PORCN: variants seen among roughly 807,000 people sequenced by gnomAD.
The protein encoded by PORCN is porcupine O-acyltransferase, also known as protein-serine O-palmitoleoyltransferase porcupine.
In PORCN, 1 loss-of-function variant was observed where a neutral mutation model predicts 43.0. The observed-to-expected ratio is 0.02, with a 90% confidence interval of 0.01 to 0.11. PORCN has a LOEUF of 0.11. Ranked by LOEUF, PORCN falls within the 10% of genes least tolerant of loss-of-function variation. The probability of loss-of-function intolerance (pLI) is 1.00; values close to 1 mark genes in which losing one functional copy is unlikely to be tolerated. For missense variants in PORCN, 240 were observed against 392.1 expected (o/e 0.61, Z 3.28); for synonymous variants, 148 against 166.4 (o/e 0.89, Z 0.85).
chrX:48,518,862 T>C (rs1370962191), intron 14 of PORCN, among the ~76,000 whole-genome samples: 1 of 109,810 alleles, frequency 9.1e-6, no homozygotes, highest in Non-Finnish European at 1.9e-5. Flanking sequence ...TTACCCAGGC[T>C]AAAGTGCAGT....
chrX:48,516,315 A>ATCC (rs2061717163), intron 13 of PORCN, 169 bp downstream of exon 13: 1 of 507,538 alleles, frequency 2.0e-6, no homozygotes, highest in Non-Finnish European at 3.5e-6. Context: ...ACAGGCATTT[A>ATCC]TCGAGCATCT....
chrX:48,513,077 G>A (rs782034598), intron 7 of PORCN, among the ~76,000 whole-genome samples: 3 of 112,424 alleles, frequency 2.7e-5, no homozygotes, highest in Admixed American at 9.4e-5. Flanking sequence ...CAGCTGTCTC[G>A]CTGTTAGAAG....
intron 14 of PORCN, among the ~76,000 whole-genome samples, chrX:48,518,984 G>A (rs2061739383): frequency 1.8e-5 from 2 of 110,949 alleles, no homozygotes; most frequent in African/African-American, 3.3e-5. Flanking sequence ...CTGGCTTTTT[G>A]CTTCTTTTTA....
rs782200118 is a variant in PORCN, at chrX:48,515,734, C to T, written c.964C>T (p.Leu322Phe). 1 of 1,209,872 alleles carries T rather than the reference C, an allele frequency of 8.3e-7. No homozygotes were observed. The highest frequency in any genetic ancestry group is 1.1e-6 in the Non-Finnish European group (1 of 894,302). ...CCCTCCAGATGTTTTCAAGAATGCT[C>T]TCCGCCTGGGGACCTTCTCGGCTGT... ...WLNNYVFKNALRLGTFSAVLV... is the reference protein window; with the variant it reads ...WLNNYVFKNAFRLGTFSAVLV... Residue 322 changes from leucine (L) to phenylalanine (F), a missense_variant, in exon 11 of 15, where the codon CTC (leucine) becomes TTC (phenylalanine). Leu to Phe is a conservative substitution (Grantham distance 22). Coordinates refer to ENST00000326194, the MANE Select transcript of PORCN (RefSeq NM_203475.3).
At chrX:48,520,345 G>A in intron 14 of PORCN, 30 bp from the exon 15 acceptor site, 1 of 1,112,048 alleles carries the variant, frequency 9.0e-7, no homozygotes, top group Non-Finnish European at 1.2e-6. Flanking sequence ...TCCTTGCTAA[G>A]TGGGACCATC....
rs1221141630 is a variant in PORCN, at chrX:48,516,158, G to A, written c.1173+12G>A. 1 of 1,200,097 alleles carries A rather than the reference G, an allele frequency of 8.3e-7. No homozygotes were observed. Among genetic ancestry groups the A allele is most frequent in the African/African-American group, 1.8e-5 (1 of 56,907 alleles). On this transcript the variant is annotated intron_variant, in intron 13 of 14. Transcript: ENST00000326194. ...ACCAGCATCGCTTGGTGAGGGTTCA[G>A]CCTGGGCAACCTTGTGCCCAACACT...
In PORCN at chrX:48,512,314, C is replaced by T; in HGVS notation, c.374-12C>T. ...CTCTGCCCATCCACTTGACCATGGGCACCACACATAGGGGCACAGATGATT... is the reference window on the plus strand; with the variant it reads ...CTCTGCCCATCCACTTGACCATGGGTACCACACATAGGGGCACAGATGATT... On this transcript the variant is annotated splice_polypyrimidine_tract_variant and intron_variant, in intron 4 of 14. Transcript: ENST00000326194. 10 of 1,210,971 alleles carry T rather than the reference C, an allele frequency of 8.3e-6. No homozygotes were observed. The highest frequency in any genetic ancestry group is 5.3e-5 in the South Asian group (3 of 56,908).
intron 2 of PORCN, among the ~76,000 whole-genome samples, chrX:48,511,057 C>T (rs1324839571): frequency 1.8e-5 from 2 of 112,100 alleles, no homozygotes; most frequent in Non-Finnish European, 3.8e-5. Context: ...CCCTGCCACC[C>T]TCTCCAGCTC....
At chrX:48,516,179 A>G in intron 13 of PORCN, 33 bp downstream of exon 13, 1 of 1,150,262 alleles carries the variant, frequency 8.7e-7, no homozygotes, top group Non-Finnish European at 1.2e-6. Flanking sequence ...CTTGTGCCCA[A>G]CACTCCCTGT....
rs1556974102 is a variant in PORCN at position 48,512,369 on chromosome X, C to T, written c.417C>T (p.Phe139=). 3.3e-6 allele frequency: 4 copies of T among 1,211,863 alleles called. No individual in the cohort carries two copies. The highest frequency in any genetic ancestry group is 3.0e-5 in the East Asian group (1 of 33,836). The change falls in exon 5 of 15, where the codon TTC becomes TTT. Residue 139 remains phenylalanine, a synonymous_variant. Transcript: ENST00000326194. ...CCATGAAGGCAGTGTCTCTGGGCTT[C>T]GACCTGGACCGGGGCGAGGTGGGTA... ...IVAMKAVSLG[F]DLDRGEVGTV...
rs782143088 is a variant in PORCN at position 48,516,015 on chromosome X, T to G, written c.1088-46T>G. 4 of 1,195,626 alleles carry G rather than the reference T, an allele frequency of 3.3e-6. No homozygotes were observed. In the African/African-American group the frequency reaches 7.1e-5, roughly 21 times the overall value. On this transcript the variant is annotated intron_variant, in intron 12 of 14. Transcript: ENST00000326194. ...GTTGGTGGGGGGGCTGGAGACAGCC[T>G]CCCCTGAGGCTAACCTGACCCCCTT...
At chrX:48,509,454 C>T (rs1556973341) in intron 1 of PORCN, 3 of 905,881 alleles carry the variant, frequency 3.3e-6, no homozygotes, top group Admixed American at 3.2e-5. Context: ...CAGGGATTCC[C>T]CTTCCCGTCG....
rs782759636 is a variant in PORCN, at chrX:48,511,226, C to G, written c.137-69C>G. ...TCTCTCTCCCTCCCTCCCTCCCTTC[C>G]TCCCACTCCCTCTCTTTCTCTCTCT... is the stretch of plus-strand genomic sequence containing the variant. On this transcript the variant is annotated intron_variant, in intron 2 of 14. Transcript: ENST00000326194. 5.2e-5 allele frequency: 36 copies of G among 688,854 alleles called. 1 individual carries two copies. The South Asian group carries it at 7.6e-4, about 15-fold the overall frequency. 56.8% of individuals were successfully genotyped at this position (688,854 alleles called of 1,213,427 possible). A position where few individuals can be genotyped will look rare whatever the true frequency, so the allele number is the denominator to read the frequency against.
At chrX:48,514,671 C>T (rs781882353) in intron 10 of PORCN, 46 bp downstream of exon 10, 2 of 1,016,756 alleles carry the variant, frequency 2.0e-6, no homozygotes, top group Non-Finnish European at 1.4e-6. Context: ...AATCCAGGCC[C>T]TTTCATACAT....
chrX:48,514,486 G>A lies in PORCN; in HGVS notation c.846-39G>A, dbSNP rs191210929. 4.7e-4 allele frequency: 564 copies of A among 1,190,883 alleles called. 2 individuals carry two copies. The African/African-American group carries it at 8.4e-3, about 18-fold the overall frequency. On this transcript the variant is annotated intron_variant, in intron 9 of 14. Transcript: ENST00000326194. ...CAGAAGTGTGGCGGTCAGATGAGTTGAGATCCCAAATGGATTTGCATATCT... is the reference window on the plus strand; with the variant it reads ...CAGAAGTGTGGCGGTCAGATGAGTTAAGATCCCAAATGGATTTGCATATCT...
intron 2 of PORCN, among the ~76,000 whole-genome samples, chrX:48,510,157 C>G (rs906221513): frequency 3.6e-5 from 4 of 110,884 alleles, no homozygotes; most frequent in Non-Finnish European, 7.6e-5. Context: ...GCCAGCCACC[C>G]CATGCCATGC....
rs1343659233 is a variant in PORCN, at chrX:48,511,232, C to T, written c.137-63C>T. The T allele has an allele frequency of 4.0e-6, 3 of 755,733 alleles. No individual in the cohort carries two copies. In the East Asian group the frequency reaches 9.7e-5, roughly 24 times the overall value. 62.3% of individuals were successfully genotyped at this position (755,733 alleles called of 1,213,427 possible). A position where few individuals can be genotyped will look rare whatever the true frequency, so the allele number is the denominator to read the frequency against. Reference sequence around the variant, plus strand: ...TCCCTCCCTCCCTCCCTTCCTCCCACTCCCTCTCTTTCTCTCTCTTTCTCG... The same window carrying T: ...TCCCTCCCTCCCTCCCTTCCTCCCATTCCCTCTCTTTCTCTCTCTTTCTCG... On this transcript the variant is annotated intron_variant, in intron 2 of 14. Transcript: ENST00000326194.
chrX:48,517,431 C>T (rs1556975680), intron 14 of PORCN, 138 bp downstream of exon 14: 6 of 477,846 alleles, frequency 1.3e-5, no homozygotes, highest in South Asian at 6.2e-5. Flanking sequence ...CAGTGCTCCT[C>T]GGTCCTTTCC....
At chrX:48,517,533 T>C (rs1254881060) in intron 14 of PORCN, among the ~76,000 whole-genome samples, 1 of 112,454 alleles carries the variant, frequency 8.9e-6, no homozygotes, top group Non-Finnish European at 1.9e-5. Flanking sequence ...AAAATAACTT[T>C]TAGGCTGGGC....
Sources: allele counts gnomAD v4.1 joint callset (sites outside exome capture counted in the v4.1 genomes callset), GRCh38; gene constraint gnomAD v4.1.1; transcripts MANE v1.5; gene names NCBI Gene and HGNC (gene_info 2026-07-23, HGNC 2026-07-21).